Variants in DOK5 observed in about 807,000 individuals in gnomAD.
DOK5 encodes the protein downstream of tyrosine kinase 5.
Under a neutral mutation model 43.3 loss-of-function variants are expected in DOK5, and 27 were observed. The ratio of observed to expected loss-of-function variants is 0.62; its 90% CI spans 0.46 to 0.86. The LOEUF (loss-of-function observed/expected upper bound fraction) is 0.86, where lower values mean the gene tolerates loss of function less well. Among genes scored for constraint, DOK5 ranks in the 40% least tolerant of loss-of-function variants. DOK5 has a pLI of 0.00. For synonymous variants in DOK5, 146 were observed against 140.1 expected, an observed-to-expected ratio of 1.04 and a Z score of -0.30; for missense variants, 373 against 392.9, an observed-to-expected ratio of 0.95 and a Z score of 0.43.
intron 6 of DOK5, among the ~76,000 whole-genome samples, chr20:54,634,935 CT>C (rs1978752983): frequency 6.6e-6 from 1 of 152,148 alleles, no homozygotes; most frequent in African/African-American, 2.4e-5. Context: ...ACCCCACCTC[CT>C]TTAGCTATCA....
At chr20:54,591,242 A>G (rs1441679002) in intron 4 of DOK5, among the ~76,000 whole-genome samples, 1 of 152,250 alleles carries the variant, frequency 6.6e-6, no homozygotes, top group African/African-American at 2.4e-5. Context: ...TTGTGAGCAC[A>G]AAAGTGTGGA....
intron 1 of DOK5, among the ~76,000 whole-genome samples, chr20:54,531,157 G>A (rs532862266): frequency 6.6e-6 from 1 of 152,272 alleles, no homozygotes; most frequent in African/African-American, 2.4e-5. Flanking sequence ...AGCCTTTGTG[G>A]TCCATCATGA....
chr20:54,480,883 A>T (rs529774325), intron 1 of DOK5, among the ~76,000 whole-genome samples: 1 of 148,344 alleles, frequency 6.7e-6, no homozygotes. Flanking sequence ...TACCCTCTCA[A>T]TGAGGCCTTT....
chr20:54,602,390 C>T (rs1986324266), intron 5 of DOK5, among the ~76,000 whole-genome samples: 1 of 152,166 alleles, frequency 6.6e-6, no homozygotes, highest in Non-Finnish European at 1.5e-5. Context: ...TCCACATCAC[C>T]TGGAGCAGGG....
At chr20:54,509,358 T>C (rs1982934756) in intron 1 of DOK5, among the ~76,000 whole-genome samples, 1 of 151,846 alleles carries the variant, frequency 6.6e-6, no homozygotes, top group African/African-American at 2.4e-5. Context: ...ACCTGGTTAA[T>C]TTTACAATTT....
At chr20:54,571,973 A>G (rs774325351) in intron 2 of DOK5, among the ~76,000 whole-genome samples, 17 of 151,848 alleles carry the variant, frequency 1.1e-4, no homozygotes, top group Non-Finnish European at 2.2e-4. Context: ...TGCCTCATAA[A>G]CCCGTGCTCA....
At chr20:54,519,680 G>A (rs1376362145) in intron 1 of DOK5, among the ~76,000 whole-genome samples, 1 of 152,036 alleles carries the variant, frequency 6.6e-6, no homozygotes, top group Non-Finnish European at 1.5e-5. Flanking sequence ...ATTATCTTAT[G>A]ATTCAGTAAA....
In DOK5 at chr20:54,588,793, G is replaced by C. The variant is rs764355081; in HGVS notation, c.396G>C (p.Glu132Asp). The part of the protein sequence containing the change: ...GEPDLLATGV[E>D]REQSERFNVY... ...CTGACTTACTGGCCACTGGGGTTGA[G>C]AGAGAACAGAGTGGTATGTAAAGAA... Residue 132 changes from glutamate to aspartate, a missense_variant, in exon 4 of 8, where the codon GAG (glutamate) becomes GAC (aspartate). Glu to Asp is a conservative substitution (Grantham distance 45). Coordinates refer to ENST00000262593, the MANE Select transcript of DOK5 (RefSeq NM_018431.5). The C allele has an allele frequency of 6.2e-7, 1 of 1,613,938 alleles. No homozygotes were observed. Among genetic ancestry groups the C allele is most frequent in the Admixed American group, 1.7e-5 (1 of 60,014 alleles).
chr20:54,492,160 A>G (rs953257518), intron 1 of DOK5, among the ~76,000 whole-genome samples: 2 of 152,104 alleles, frequency 1.3e-5, no homozygotes, highest in Non-Finnish European at 2.9e-5. Context: ...GCAAAAAAGG[A>G]TAGAATGAAG....
At chr20:54,636,674 G>C (rs529567740) in intron 6 of DOK5, among the ~76,000 whole-genome samples, 2 of 152,214 alleles carry the variant, frequency 1.3e-5, no homozygotes, top group African/African-American at 4.8e-5. Context: ...CTGAGCCTTC[G>C]GTGAGATTGA....
intron 1 of DOK5, among the ~76,000 whole-genome samples, chr20:54,513,943 G>T (rs188654674): frequency 3.3e-5 from 5 of 152,304 alleles, no homozygotes; most frequent in Admixed American, 2.6e-4. Flanking sequence ...TGTGGTTTTG[G>T]TGACCTTGGA....
intron 2 of DOK5, among the ~76,000 whole-genome samples, chr20:54,586,506 G>C (rs1019845679): frequency 6.6e-6 from 1 of 152,024 alleles, no homozygotes; most frequent in African/African-American, 2.4e-5. Flanking sequence ...AATATGTGAG[G>C]GGTTCTGTGT....
chr20:54,537,195 A>G (rs766297797), intron 1 of DOK5, among the ~76,000 whole-genome samples: 10 of 152,200 alleles, frequency 6.6e-5, no homozygotes, highest in Non-Finnish European at 1.5e-4. Flanking sequence ...CTGGATTTCT[A>G]CCAGCAGCAA....
intron 1 of DOK5, among the ~76,000 whole-genome samples, chr20:54,481,035 C>CT (rs1256894022): frequency 4.2e-5 from 5 of 119,480 alleles, no homozygotes; most frequent in African/African-American, 2.1e-4. Flanking sequence ...ATCTATCTAT[C>CT]ATCTATCTAT....
chr20:54,595,124 G>A (rs368679131), intron 5 of DOK5, among the ~76,000 whole-genome samples: 8 of 152,078 alleles, frequency 5.3e-5, no homozygotes, highest in East Asian at 3.9e-4. Context: ...GGCAGATCAC[G>A]AGGTCAGGAG....
intron 1 of DOK5, among the ~76,000 whole-genome samples, chr20:54,484,344 A>T (rs1332312830): frequency 6.6e-6 from 1 of 150,750 alleles, no homozygotes; most frequent in East Asian, 1.9e-4. Context: ...GCGCCACTGC[A>T]CTCCAGCCTG....
chr20:54,631,425 A>AG (rs1978560628), intron 6 of DOK5, among the ~76,000 whole-genome samples: 1 of 149,846 alleles, frequency 6.7e-6, no homozygotes, highest in African/African-American at 2.5e-5. Flanking sequence ...AAAAATAAAG[A>AG]AAGAGAAGAA....
Position 54,508,899 on chromosome 20 carries a change from CAG to C in DOK5, c.66+32890_66+32891del, listed in dbSNP as rs1299191823. Among the ~76,000 whole-genome samples, 17 of 148,316 alleles carry C rather than the reference CAG, an allele frequency of 1.1e-4. 1 individual carries two copies. The Admixed American group carries it at 1.2e-3, about 10-fold the overall frequency. On this transcript the variant is annotated intron_variant, in intron 1 of 7. Coordinates refer to ENST00000262593, the MANE Select transcript of DOK5 (RefSeq NM_018431.5). ...CCAGCTATTTATTTATTTTTTTAGA[CAG>C]AGTCTCGCTGTCTCACCCAGGCTTA...
intron 1 of DOK5, among the ~76,000 whole-genome samples, chr20:54,511,077 C>T (rs774861380): frequency 6.6e-6 from 1 of 152,138 alleles, no homozygotes; most frequent in Non-Finnish European, 1.5e-5. Context: ...TTAAGCTTTA[C>T]CTTGACTTCA....
Sources: gnomAD v4.1 joint callset for allele counts (sites outside exome capture counted in the v4.1 genomes callset) on GRCh38, gnomAD v4.1.1 for gene constraint, MANE v1.5 for transcripts, NCBI Gene and HGNC (gene_info 2026-07-23, HGNC 2026-07-21) for gene names.